The following C1orf87 variants were observed in gnomAD, a reference collection of about 807,000 sequenced individuals.
The protein encoded by C1orf87 is uncharacterized protein C1orf87.
A neutral mutation model predicts 60.5 loss-of-function variants in C1orf87; 58 were observed. The ratio of observed to expected loss-of-function variants is 0.96; its 90% CI spans 0.78 to 1.19. The LOEUF (loss-of-function observed/expected upper bound fraction) is 1.19, where lower values mean the gene tolerates loss of function less well. C1orf87 is among the 50% of genes most tolerant of loss of function. The probability of loss-of-function intolerance (pLI) is 0.00; values close to 1 mark genes in which losing one functional copy is unlikely to be tolerated. For synonymous variants in C1orf87, 236 were observed against 227.4 expected, an observed-to-expected ratio of 1.04 and a Z score of -0.34; for missense variants, 673 against 638.6, an observed-to-expected ratio of 1.05 and a Z score of -0.58.
intron 3 of C1orf87, among the ~76,000 whole-genome samples, chr1:60,054,011 C>A (rs1035737463): frequency 6.6e-6 from 1 of 152,068 alleles, no homozygotes; most frequent in African/African-American, 2.4e-5. Context: ...ATATTATTAC[C>A]AAGGCCATTC....
intron 8 of C1orf87, among the ~76,000 whole-genome samples, chr1:60,015,078 A>G (rs775370180): frequency 6.6e-6 from 1 of 152,166 alleles, no homozygotes; most frequent in Non-Finnish European, 1.5e-5. Flanking sequence ...GGACTATATT[A>G]GTTTGCTGGG....
intron 3 of C1orf87, among the ~76,000 whole-genome samples, chr1:60,047,730 T>C (rs1645382955): frequency 1.8e-5 from 1 of 57,006 alleles, no homozygotes; most frequent in South Asian, 9.5e-4. Context: ...AAATAGCAAG[T>C]CCAAAAAAAA....
At chr1:60,047,536 T>G (rs1224046226) in intron 3 of C1orf87, among the ~76,000 whole-genome samples, 1 of 152,208 alleles carries the variant, frequency 6.6e-6, no homozygotes, top group Non-Finnish European at 1.5e-5. Flanking sequence ...CTGAACATAA[T>G]GCAGATGCAA....
intron 8 of C1orf87, among the ~76,000 whole-genome samples, chr1:60,013,639 A>G (rs1278085752): frequency 6.6e-6 from 1 of 151,126 alleles, no homozygotes; most frequent in Non-Finnish European, 1.5e-5. Flanking sequence ...TGGAGCCTGC[A>G]GAATTGTGGC....
intron 2 of C1orf87, among the ~76,000 whole-genome samples, chr1:60,071,949 G>A (rs1645586980): frequency 6.6e-6 from 1 of 152,124 alleles, no homozygotes; most frequent in Non-Finnish European, 1.5e-5. Context: ...CTGAAACTCT[G>A]TAAGAAAGAG....
chr1:60,050,660 A>G (rs980355355), intron 3 of C1orf87, among the ~76,000 whole-genome samples: 2 of 152,034 alleles, frequency 1.3e-5, no homozygotes, highest in African/African-American at 2.4e-5. Context: ...ATTGGCAAAT[A>G]TCTCCAGGAT....
chr1:60,068,257 T>C (rs931057597), intron 2 of C1orf87, among the ~76,000 whole-genome samples: 4 of 152,318 alleles, frequency 2.6e-5, no homozygotes, highest in African/African-American at 9.6e-5. Flanking sequence ...CCCAAACATT[T>C]ATTCCATATA....
At chr1:59,998,485 C>T (rs539269629) in intron 10 of C1orf87, among the ~76,000 whole-genome samples, 1 of 140,340 alleles carries the variant, frequency 7.1e-6, no homozygotes, top group East Asian at 2.8e-4. Flanking sequence ...CACATCAGTC[C>T]CAGCAGTGCC....
chr1:60,065,345 C>A (rs7543186), intron 2 of C1orf87, among the ~76,000 whole-genome samples: 23,820 of 151,548 alleles, frequency 0.16, 2,132 homozygotes, highest in South Asian at 0.3. Flanking sequence ...CATACGCACA[C>A]GGAGGAAGGC....
At chr1:60,001,187 G>C in intron 9 of C1orf87, 31 bp from the exon 10 acceptor site, 1 of 1,459,228 alleles carries the variant, frequency 6.9e-7, no homozygotes, top group Non-Finnish European at 9.3e-7. Context: ...AAAAAGGAAG[G>C]GTTTAGCTTG....
intron 4 of C1orf87, among the ~76,000 whole-genome samples, chr1:60,040,728 C>T (rs921707861): frequency 1.2e-4 from 18 of 151,442 alleles, no homozygotes; most frequent in Non-Finnish European, 2.4e-4. Flanking sequence ...GTCTGGTGTC[C>T]ATTTGTCTAT....
intron 9 of C1orf87, among the ~76,000 whole-genome samples, chr1:60,008,123 CACA>C (rs1645058775): frequency 6.6e-6 from 1 of 151,994 alleles, no homozygotes; most frequent in Non-Finnish European, 1.5e-5. Context: ...AGTGAGCTAT[CACA>C]ACAACAATGC....
At chr1:60,057,437 G>A (rs1429546898) in intron 2 of C1orf87, among the ~76,000 whole-genome samples, 2 of 152,088 alleles carry the variant, frequency 1.3e-5, no homozygotes, top group Non-Finnish European at 2.9e-5. Flanking sequence ...TGGAATATAG[G>A]GTTTCAGATA....
At chr1:60,027,665 G>C (rs1645208907) in intron 7 of C1orf87, among the ~76,000 whole-genome samples, 1 of 152,150 alleles carries the variant, frequency 6.6e-6, no homozygotes, top group African/African-American at 2.4e-5. Context: ...AATCGGGTTT[G>C]AAACTTGCAT....
At chr1:60,013,217 T>C (rs1461956348) in intron 8 of C1orf87, among the ~76,000 whole-genome samples, 1 of 152,046 alleles carries the variant, frequency 6.6e-6, no homozygotes, top group Non-Finnish European at 1.5e-5. Flanking sequence ...TTTTTATTTC[T>C]TTTTCCATTT....
chr1:60,065,293 A>T (rs1387138729), intron 2 of C1orf87, among the ~76,000 whole-genome samples: 2 of 151,554 alleles, frequency 1.3e-5, no homozygotes, highest in South Asian at 4.2e-4. Flanking sequence ...GGGAGGGAAG[A>T]AGATACTATT....
At chr1:60,013,680 C>CTT (rs1174843807) in intron 8 of C1orf87, among the ~76,000 whole-genome samples, 3 of 137,296 alleles carry the variant, frequency 2.2e-5, no homozygotes, top group African/African-American at 5.3e-5. Flanking sequence ...TGTATATTTG[C>CTT]TTTTTTTTTT....
rs570963258 is a variant in C1orf87 at position 60,043,447 on chromosome 1, T to C, written c.343-2316A>G. On this transcript the variant is annotated intron_variant, in intron 3 of 11. Coordinates refer to ENST00000371201, the MANE Select transcript of C1orf87 (RefSeq NM_152377.3). ...GCCAGGCTGGAGTACAGTGGCGCGA[T>C]CTCGGCTCACTGCAACTTCCGCCTT... 2.0e-5 allele frequency among the ~76,000 whole-genome samples: 3 copies of C among 152,254 alleles called. No individual in the cohort carries two copies. The South Asian group carries it at 6.2e-4, about 32-fold the overall frequency.
At chr1:60,053,897 G>A (rs1250757021) in intron 3 of C1orf87, among the ~76,000 whole-genome samples, 1 of 152,028 alleles carries the variant, frequency 6.6e-6, no homozygotes, top group Non-Finnish European at 1.5e-5. Context: ...TGCCATGGTG[G>A]TAGAAATAAC....
Sources: gnomAD v4.1 joint callset for allele counts (sites outside exome capture counted in the v4.1 genomes callset) on GRCh38, gnomAD v4.1.1 for gene constraint, MANE v1.5 for transcripts, NCBI Gene and HGNC (gene_info 2026-07-23, HGNC 2026-07-21) for gene names.